DCC: variants seen among roughly 807,000 people sequenced by gnomAD.
The protein encoded by DCC is netrin receptor DCC.
Under a neutral mutation model 172.5 loss-of-function variants are expected in DCC, and 58 were observed. That is an observed-to-expected ratio of 0.34 (90% CI 0.27 to 0.42). The LOEUF (loss-of-function observed/expected upper bound fraction) is 0.42, where lower values mean the gene tolerates loss of function less well. Among genes scored for constraint, DCC ranks in the 10% least tolerant of loss-of-function variants. DCC has a pLI of 1.00. For missense variants in DCC, 1,740 were observed against 1,791.0 expected, an observed-to-expected ratio of 0.97 and a Z score of 0.51; for synonymous variants, 709 against 644.5, an observed-to-expected ratio of 1.10 and a Z score of -1.52.
intron 5 of DCC, among the ~76,000 whole-genome samples, chr18:53,001,768 T>G (rs2041567612): frequency 6.6e-6 from 1 of 152,132 alleles, no homozygotes; most frequent in African/African-American, 2.4e-5. Context: ...TCTTAATTTT[T>G]CTTTGGTTAT....
chr18:52,406,929 C>T (rs1391147266), intron 1 of DCC, among the ~76,000 whole-genome samples: 3 of 151,918 alleles, frequency 2.0e-5, no homozygotes, highest in African/African-American at 7.2e-5. Flanking sequence ...GCATTCTCTG[C>T]CAGGTTTGTT....
intron 1 of DCC, among the ~76,000 whole-genome samples, chr18:52,626,713 AT>A (rs1277351573): frequency 1.3e-5 from 2 of 152,220 alleles, no homozygotes; most frequent in Non-Finnish European, 2.9e-5. Context: ...AAACAAAAAA[AT>A]TCCAAAAAAC....
At chr18:53,254,437 C>T (rs989731785) in intron 12 of DCC, among the ~76,000 whole-genome samples, 1 of 151,984 alleles carries the variant, frequency 6.6e-6, no homozygotes, top group Non-Finnish European at 1.5e-5. Context: ...GCTATCAGCA[C>T]CCAGAGCTAT....
intron 18 of DCC, 81 bp from the exon 19 acceptor site, chr18:53,402,705 C>A: frequency 2.0e-6 from 2 of 1,012,200 alleles, no homozygotes; most frequent in Non-Finnish European, 3.2e-6. Context: ...TTCTGAATGT[C>A]AACATCATGA....
chr18:53,435,702 G>A (rs374704658), intron 22 of DCC, among the ~76,000 whole-genome samples: 33 of 152,188 alleles, frequency 2.2e-4, no homozygotes, highest in African/African-American at 7.5e-4. Context: ...TTTTCTTTGT[G>A]TTGTCTACAT....
chr18:53,211,498 C>G (rs10083967), intron 11 of DCC, among the ~76,000 whole-genome samples: 3,282 of 152,242 alleles, frequency 0.022, 40 homozygotes, highest in Middle Eastern at 0.027. Flanking sequence ...CCCAGGCGGG[C>G]AGATCACAAG....
intron 1 of DCC, among the ~76,000 whole-genome samples, chr18:52,672,246 A>G (rs1043291698): frequency 6.6e-6 from 1 of 152,194 alleles, no homozygotes; most frequent in Non-Finnish European, 1.5e-5. Flanking sequence ...AAATTTTTAA[A>G]CGAATATTTG....
At chr18:52,369,739 C>T (rs11875845) in intron 1 of DCC, among the ~76,000 whole-genome samples, 16,939 of 151,866 alleles carry the variant, frequency 0.11, 1,010 homozygotes, top group Middle Eastern at 0.17. Context: ...TTACTTGATC[C>T]TCATTGATGA....
chr18:52,914,614 A>G (rs781544467), intron 3 of DCC, among the ~76,000 whole-genome samples: 5 of 151,904 alleles, frequency 3.3e-5, no homozygotes, highest in African/African-American at 4.8e-5. Flanking sequence ...TCCCGTGATC[A>G]GTTTGGATTA....
chr18:53,308,908 C>A (rs895972611), intron 13 of DCC, among the ~76,000 whole-genome samples: 1 of 152,150 alleles, frequency 6.6e-6, no homozygotes, highest in South Asian at 2.1e-4. Flanking sequence ...AAGAACCCAT[C>A]CCACAAGTCT....
In DCC at chr18:52,886,820, G is replaced by T. The variant is rs189691242; in HGVS notation, c.413-19224G>T. Among the ~76,000 whole-genome samples, 83 of 152,260 alleles carry T rather than the reference G, an allele frequency of 5.5e-4. No individual in the cohort carries two copies. In the Middle Eastern group the frequency reaches 0.01, roughly 19 times the overall value. On this transcript the variant is annotated intron_variant, in intron 2 of 28. Coordinates refer to ENST00000442544, the MANE Select transcript of DCC (RefSeq NM_005215.4). The stretch of plus-strand genomic sequence containing the variant: ...GTGCATAGTTGGTTGTTAAAATTTG[G>T]TGTGTGTCAGCGGGGATGGCAAATG...
At chr18:53,057,789 C>G (rs1168945392) in intron 5 of DCC, among the ~76,000 whole-genome samples, 1 of 151,980 alleles carries the variant, frequency 6.6e-6, no homozygotes, top group Non-Finnish European at 1.5e-5. Flanking sequence ...TGAAATGAGT[C>G]CTTCCACAGA....
rs59202776 is a variant in DCC, at chr18:52,717,430, C to CTTTTT, written c.92-34610_92-34606dup. Among the ~76,000 whole-genome samples the CTTTTT allele has an allele frequency of 1.0e-3, 123 of 123,402 alleles. 1 individual carries two copies. In the East Asian group the frequency reaches 0.02, roughly 20 times the overall value. The allele number at this position is 123,402 out of a possible 152,430, so 81.0% of individuals were successfully genotyped here. A position where few individuals can be genotyped will look rare whatever the true frequency, so the allele number is the denominator to read the frequency against. On this transcript the variant is annotated intron_variant, in intron 1 of 28. Coordinates refer to ENST00000442544, the MANE Select transcript of DCC (RefSeq NM_005215.4). ...CTAAATTAAGAGAATTTCTAAATTTCTTTTTTTTTTTTTTTTTTCCAAAAA... is the reference window on the plus strand; with the variant it reads ...CTAAATTAAGAGAATTTCTAAATTTCTTTTTTTTTTTTTTTTTTTTTTTCCAAAAA...
rs1472053367 is a variant in DCC at position 53,066,050 on chromosome 18, G to A, written c.1145G>A (p.Gly382Glu). The change falls in exon 7 of 29, where the codon GGA becomes GAA. Residue 382 changes from glycine (G) to glutamate (E), a missense_variant. Transcript: ENST00000442544. ...IPSDYFQIVG[G>E]SNLRILGVVK... Reference sequence around the variant, plus strand: ...CCTGCTTTTTCTTTTCCCTAGGGAGGAAGCAACTTACGGATACTTGGGGTG... The same window carrying A: ...CCTGCTTTTTCTTTTCCCTAGGGAGAAAGCAACTTACGGATACTTGGGGTG... The A allele has an allele frequency of 2.5e-6, 4 of 1,613,100 alleles. No individual in the cohort carries two copies. The highest frequency in any genetic ancestry group is 3.3e-5 in the Admixed American group (2 of 59,936).
At chr18:52,992,995 A>T (rs2041418795) in intron 5 of DCC, among the ~76,000 whole-genome samples, 1 of 152,030 alleles carries the variant, frequency 6.6e-6, no homozygotes, top group Admixed American at 6.6e-5. Context: ...AAAAAAAAAA[A>T]AAAAAACACA....
intron 1 of DCC, among the ~76,000 whole-genome samples, chr18:52,487,856 G>A (rs1235058327): frequency 6.9e-6 from 1 of 144,740 alleles, no homozygotes; most frequent in Non-Finnish European, 1.5e-5. Flanking sequence ...GCACACTAAT[G>A]CCCACTGTAG....
At chr18:52,738,644 A>C (rs1229332359) in intron 1 of DCC, among the ~76,000 whole-genome samples, 1 of 152,044 alleles carries the variant, frequency 6.6e-6, no homozygotes, top group African/African-American at 2.4e-5. Flanking sequence ...GGCTACACCA[A>C]ATTTATTTTA....
At position 53,467,999 on chromosome 18, in the gene DCC, C is replaced by A; in HGVS notation, c.3725C>A (p.Ser1242Tyr). The change falls in exon 25 of 29, where the codon TCC becomes TAC. Residue 1242 changes from serine to tyrosine, a missense_variant. By Grantham distance (144) the Ser-to-Tyr change is moderately radical (BLOSUM62 -2). Coordinates refer to ENST00000442544, the MANE Select transcript of DCC (RefSeq NM_005215.4). ...CTCATGATTCCCATGGATGCCCAGT[C>A]CAACAATCCTGGTGAGTCAATATTG... ...AKLMIPMDAQ[S>Y]NNPAVVSAIP... The A allele has an allele frequency of 1.3e-6, 2 of 1,564,544 alleles. No individual in the cohort carries two copies. The highest frequency in any genetic ancestry group is 8.8e-7 in the Non-Finnish European group (1 of 1,135,054).
Position 52,425,251 on chromosome 18 carries a change from A to G in DCC, c.91+84373A>G, listed in dbSNP as rs574970095. Among the ~76,000 whole-genome samples, 50 of 152,304 alleles carry G rather than the reference A, an allele frequency of 3.3e-4. 1 individual carries two copies. The South Asian group carries it at 0.01, about 32-fold the overall frequency. On this transcript the variant is annotated intron_variant, in intron 1 of 28. Coordinates refer to ENST00000442544, the MANE Select transcript of DCC (RefSeq NM_005215.4). ...GTCAATTTTCTCCTAAGGAGGTATT[A>G]ATGAAACACATAGTTGGGTGTGGCT...
Sources: gnomAD v4.1 joint callset for allele counts (sites outside exome capture counted in the v4.1 genomes callset) on GRCh38, gnomAD v4.1.1 for gene constraint, MANE v1.5 for transcripts, NCBI Gene and HGNC (gene_info 2026-07-23, HGNC 2026-07-21) for gene names.